Variants in CARMIL1 observed in about 807,000 individuals in gnomAD.
The protein encoded by CARMIL1 is capping protein regulator and myosin 1 linker 1.
CARMIL1 carries 90 observed loss-of-function variants against 177.1 expected under a neutral mutation model. The observed-to-expected ratio is 0.51, with a 90% CI of 0.43 to 0.61. The LOEUF (loss-of-function observed/expected upper bound fraction) is 0.61. Among genes scored for constraint, CARMIL1 ranks in the 20% least tolerant of loss-of-function variants. CARMIL1 has a pLI of 0.00. For synonymous variants in CARMIL1, 577 were observed against 606.2 expected (o/e 0.95, Z 0.71); for missense variants, 1,380 against 1,667.0 (o/e 0.83, Z 3.00).
At chr6:25,412,792 A>G (rs937691590) in intron 2 of CARMIL1, among the ~76,000 whole-genome samples, 4 of 152,206 alleles carry the variant, frequency 2.6e-5, no homozygotes, top group Non-Finnish European at 5.9e-5. Context: ...GGTTTGACTT[A>G]TAAGCTGTAG....
intron 29 of CARMIL1, among the ~76,000 whole-genome samples, chr6:25,575,210 G>T (rs1312639810): frequency 6.6e-6 from 1 of 152,200 alleles, no homozygotes; most frequent in Non-Finnish European, 1.5e-5. Flanking sequence ...CTAATGGGGG[G>T]ATGTTGAAGT....
In CARMIL1 at chr6:25,279,788, G is replaced by T; in HGVS notation, c.-8G>T. On this transcript the variant is annotated 5_prime_UTR_variant, in exon 1 of 37. In the 5' UTR this introduces an upstream ATG that the reference lacks. Transcript: ENST00000329474. ...ACCTGCAATAACCCCCACACCTACA[G>T]GGCAACCATGACCGAGGAGAGCTCT... is the stretch of plus-strand genomic sequence containing the variant. 6.2e-7 allele frequency: 1 copy of T among 1,613,964 alleles called. No homozygotes were observed. The highest frequency in any genetic ancestry group is 8.5e-7 in the Non-Finnish European group (1 of 1,179,872).
intron 2 of CARMIL1, among the ~76,000 whole-genome samples, chr6:25,405,875 AATT>A (rs1468785906): frequency 2.6e-5 from 4 of 152,206 alleles, no homozygotes; most frequent in African/African-American, 7.2e-5. Context: ...GGCAGGACAG[AATT>A]ATTATCAGAT....
intron 24 of CARMIL1, among the ~76,000 whole-genome samples, chr6:25,532,191 C>T (rs538702790): frequency 3.9e-4 from 59 of 151,958 alleles, no homozygotes; most frequent in African/African-American, 1.4e-3. Flanking sequence ...CCTCTGCCTC[C>T]GGGTTCAAGC....
intron 2 of CARMIL1, among the ~76,000 whole-genome samples, chr6:25,376,802 A>G (rs1019738906): frequency 1.3e-5 from 2 of 152,160 alleles, no homozygotes; most frequent in African/African-American, 4.8e-5. Context: ...TGGCTAAAGC[A>G]GGTTGGTAAA....
chr6:25,572,759 C>G (rs965639891), intron 29 of CARMIL1, among the ~76,000 whole-genome samples: 2 of 148,750 alleles, frequency 1.3e-5, no homozygotes, highest in African/African-American at 2.5e-5. Context: ...CACTAGGGTC[C>G]ATGAGGAAGT....
Position 25,491,719 on chromosome 6 carries a change from A to G in CARMIL1, c.1066-13A>G. The G allele has an allele frequency of 7.8e-6, 12 of 1,532,574 alleles. No individual in the cohort carries two copies. The highest frequency in any genetic ancestry group is 1.1e-5 in the Non-Finnish European group (12 of 1,123,812). The allele number at this position is 1,532,574 out of a possible 1,614,324, so 94.9% of individuals were successfully genotyped here. A position where few individuals can be genotyped will look rare whatever the true frequency, so the allele number is the denominator to read the frequency against. Reference sequence around the variant, plus strand: ...TCTAGAATCCTAACATTTATCTTTTATTTTTTTTCAAGCACATGTATAATT... The same window carrying G: ...TCTAGAATCCTAACATTTATCTTTTGTTTTTTTTCAAGCACATGTATAATT... On this transcript the variant is annotated splice_polypyrimidine_tract_variant and intron_variant, in intron 13 of 36. Coordinates refer to ENST00000329474, the MANE Select transcript of CARMIL1 (RefSeq NM_017640.6).
intron 8 of CARMIL1, among the ~76,000 whole-genome samples, chr6:25,463,096 A>G (rs531354039): frequency 6.6e-6 from 1 of 152,324 alleles, no homozygotes; most frequent in African/African-American, 2.4e-5. Context: ...TATATCATCC[A>G]TGGAAGATTT....
intron 2 of CARMIL1, among the ~76,000 whole-genome samples, chr6:25,394,811 GATTAATT>G (rs1055828041): frequency 3.9e-4 from 60 of 152,202 alleles, no homozygotes; most frequent in African/African-American, 1.4e-3. Flanking sequence ...TCTGTGAGAA[GATTAATT>G]ATTCCAGCAA....
At chr6:25,616,963 G>A (rs1759315236) in intron 36 of CARMIL1, among the ~76,000 whole-genome samples, 3 of 152,136 alleles carry the variant, frequency 2.0e-5, no homozygotes, top group Admixed American at 1.3e-4. Flanking sequence ...CTAAGAACAT[G>A]TCAGCCTGGT....
intron 26 of CARMIL1, 71 bp downstream of exon 26, chr6:25,540,149 T>C: frequency 7.3e-7 from 1 of 1,374,142 alleles, no homozygotes; most frequent in Non-Finnish European, 9.8e-7. Flanking sequence ...TTTCATTCCA[T>C]AGCTATCTAT....
rs769702901 is a variant in CARMIL1 at position 25,459,266 on chromosome 6, C to CTTTT, written c.615-6596_615-6593dup. On this transcript the variant is annotated intron_variant, in intron 8 of 36. Coordinates refer to ENST00000329474, the MANE Select transcript of CARMIL1 (RefSeq NM_017640.6). The stretch of plus-strand genomic sequence containing the variant: ...TCTTTCTTTCTTTCTTTCTTTCTTT[C>CTTTT]TTTTTTTTTTTTTTAAGACAGGGTC... 4.3e-4 allele frequency among the ~76,000 whole-genome samples: 32 copies of CTTTT among 73,752 alleles called. 1 individual carries two copies. Among genetic ancestry groups the CTTTT allele is most frequent in the African/African-American group, 5.9e-4 (12 of 20,348 alleles). The allele number at this position is 73,752 out of a possible 152,430, so 48.4% of individuals were successfully genotyped here. A position where few individuals can be genotyped will look rare whatever the true frequency, so the allele number is the denominator to read the frequency against.
At chr6:25,490,377 T>A (rs1280980504) in intron 13 of CARMIL1, among the ~76,000 whole-genome samples, 1 of 152,154 alleles carries the variant, frequency 6.6e-6, no homozygotes, top group Non-Finnish European at 1.5e-5. Context: ...CAAAATGACT[T>A]TTCTGAATCA....
intron 36 of CARMIL1, among the ~76,000 whole-genome samples, chr6:25,610,653 T>A (rs1816432456): frequency 6.6e-6 from 1 of 152,186 alleles, no homozygotes; most frequent in Non-Finnish European, 1.5e-5. Context: ...CAAGGTCAGA[T>A]GTTCCTTACT....
intron 12 of CARMIL1, among the ~76,000 whole-genome samples, chr6:25,485,015 A>T (rs997716574): frequency 6.6e-6 from 1 of 152,190 alleles, no homozygotes; most frequent in African/African-American, 2.4e-5. Context: ...AGCCTGGGTG[A>T]CAGAGTGAGA....
intron 24 of CARMIL1, among the ~76,000 whole-genome samples, chr6:25,534,262 A>T (rs1808068337): frequency 6.6e-6 from 1 of 151,922 alleles, no homozygotes; most frequent in South Asian, 2.1e-4. Context: ...TAGAGCTCAC[A>T]ATTGTGGGGA....
chr6:25,377,277 G>A (rs1007365822), intron 2 of CARMIL1, among the ~76,000 whole-genome samples: 1 of 152,176 alleles, frequency 6.6e-6, no homozygotes, highest in Admixed American at 6.5e-5. Flanking sequence ...AGCCACAGAC[G>A]TTTTCTGCTG....
rs190413703 is a variant in CARMIL1, at chr6:25,479,055, A to G, written c.875-3202A>G. On this transcript the variant is annotated intron_variant, in intron 11 of 36. Coordinates refer to ENST00000329474, the MANE Select transcript of CARMIL1 (RefSeq NM_017640.6). ...ACTCACCTGTGCTCTGACATCCACA[A>G]TGTTCCAATGTGTATGCTTTCTAAC... 61 of 512,508 alleles carry G rather than the reference A, an allele frequency of 1.2e-4. 1 individual carries two copies. Among genetic ancestry groups the G allele is most frequent in the Admixed American group, 5.2e-4 (26 of 50,434 alleles). The allele number at this position is 512,508 out of a possible 1,614,324, so 31.7% of individuals were successfully genotyped here. A position where few individuals can be genotyped will look rare whatever the true frequency, so the allele number is the denominator to read the frequency against.
At chr6:25,399,979 G>A (rs374661519) in intron 2 of CARMIL1, among the ~76,000 whole-genome samples, 8 of 152,172 alleles carry the variant, frequency 5.3e-5, no homozygotes, top group African/African-American at 1.4e-4. Flanking sequence ...ACAGCCAAGG[G>A]TGAGGTGTAG....
Sources: gnomAD v4.1 joint callset for allele counts (sites outside exome capture counted in the v4.1 genomes callset) on GRCh38, gnomAD v4.1.1 for gene constraint, MANE v1.5 for transcripts, NCBI Gene and HGNC (gene_info 2026-07-23, HGNC 2026-07-21) for gene names.